OSBPL5: variants seen among roughly 807,000 people sequenced by gnomAD.
OSBPL5 encodes oxysterol-binding protein-related protein 5.
OSBPL5 carries 71 observed loss-of-function variants against 111.2 expected under a neutral mutation model. The ratio of observed to expected loss-of-function variants is 0.64; its 90% CI spans 0.53 to 0.78. The LOEUF (loss-of-function observed/expected upper bound fraction) is 0.78, where lower values mean the gene tolerates loss of function less well. OSBPL5 is among the 30% of genes least tolerant of loss of function. OSBPL5 has a pLI of 0.00. For synonymous variants in OSBPL5, 549 were observed against 513.9 expected, an observed-to-expected ratio of 1.07 and a Z score of -0.93; for missense variants, 1,210 against 1,189.3, an observed-to-expected ratio of 1.02 and a Z score of -0.26.
rs1186867506 is a variant in OSBPL5 at position 3,147,084 on chromosome 11, C to T, written c.-21-17915G>A. On this transcript the variant is annotated intron_variant, in intron 1 of 21. Coordinates refer to ENST00000263650, the MANE Select transcript of OSBPL5 (RefSeq NM_020896.4). ...AGTCACCCTCACGTCCTGGGCTTCA[C>T]TTTTCCCCAAGGCAGAACCACAGCC... 5.6e-5 allele frequency among the ~76,000 whole-genome samples: 8 copies of T among 142,918 alleles called. No homozygotes were observed. In the South Asian group the frequency reaches 1.4e-3, roughly 26 times the overall value. 93.8% of individuals were successfully genotyped at this position (142,918 alleles called of 152,430 possible). A position where few individuals can be genotyped will look rare whatever the true frequency, so the allele number is the denominator to read the frequency against.
chr11:3,142,284 A>G lies in OSBPL5; in HGVS notation c.-21-13115T>C, dbSNP rs1401094535. 6.6e-6 allele frequency among the ~76,000 whole-genome samples: 1 copy of G among 152,240 alleles called. No individual in the cohort carries two copies. Among genetic ancestry groups the G allele is most frequent in the Non-Finnish European group, 1.5e-5 (1 of 68,042 alleles). ...CCAGGGCCACACGGCAGGTTGGTGC[A>G]GGAGGTGCTGGGCCCTGGTGCCACC... is the stretch of plus-strand genomic sequence containing the variant. On this transcript the variant is annotated intron_variant, in intron 1 of 21. Coordinates refer to ENST00000263650, the MANE Select transcript of OSBPL5 (RefSeq NM_020896.4). This position sits in a 1 kb window ranked among gnomAD's most constrained non-coding sequence, Gnocchi z 7.1.
chr11:3,110,226 C>T lies in OSBPL5; in HGVS notation c.692-2281G>A, dbSNP rs983523541. ...CTGCACCACCGGCGGGATGGGAGCC[C>T]TTCACCCCACTGCTCTGGGAGGCAT... On this transcript the variant is annotated intron_variant, in intron 7 of 21. Transcript: ENST00000263650. The surrounding 1 kb of genome is among the most constrained non-coding windows in gnomAD (Gnocchi z 5.3). Among the ~76,000 whole-genome samples the T allele has an allele frequency of 6.6e-6, 1 of 152,208 alleles. No homozygotes were observed. The highest frequency in any genetic ancestry group is 1.5e-5 in the Non-Finnish European group (1 of 68,018).
intron 1 of OSBPL5, among the ~76,000 whole-genome samples, chr11:3,136,190 A>AGGCCCAATGGGGGCCCC (rs1845944235): frequency 6.6e-6 from 1 of 152,144 alleles, no homozygotes; most frequent in South Asian, 2.1e-4. Flanking sequence ...CATGGGGCCC[A>AGGCCCAATGGGGGCCCC]GGCCCAATGG....
chr11:3,089,643 C>T (rs1856989121), intron 21 of OSBPL5, among the ~76,000 whole-genome samples: 1 of 152,190 alleles, frequency 6.6e-6, no homozygotes, highest in Non-Finnish European at 1.5e-5. Flanking sequence ...GGTTGATCAT[C>T]CCGCACCACC....
chr11:3,131,310 C>T (rs979863575), intron 1 of OSBPL5, among the ~76,000 whole-genome samples: 1 of 152,134 alleles, frequency 6.6e-6, no homozygotes, highest in African/African-American at 2.4e-5. Flanking sequence ...TCCCTTGTAT[C>T]CCTCCATCTA....
At chr11:3,096,955 AGGAGGAGAAGAGGAAAGAGGGG>A (rs1393431433) in intron 14 of OSBPL5, among the ~76,000 whole-genome samples, 27 of 124,014 alleles carry the variant, frequency 2.2e-4, no homozygotes, top group East Asian at 2.8e-4. Context: ...AGGAGATGGG[AGGAGGAGAAGAGGAAAGAGGGG>A]GAAGGTGGGA....
At chr11:3,120,682 T>A (rs1317718839) in intron 5 of OSBPL5, 58 bp from the exon 6 acceptor site, 8 of 1,582,528 alleles carry the variant, frequency 5.1e-6, no homozygotes, top group Non-Finnish European at 6.9e-6. Flanking sequence ...CCCTGGGGCA[T>A]CTTGATGGCT....
intron 1 of OSBPL5, 187 bp from the exon 2 acceptor site, chr11:3,129,356 G>A: frequency 2.2e-6 from 1 of 450,188 alleles, no homozygotes; most frequent in Middle Eastern, 6.0e-4. Context: ...TCAGGCGAAT[G>A]GCTTTGGCTG....
chr11:3,111,790 A>G (rs988954408), intron 7 of OSBPL5, among the ~76,000 whole-genome samples: 5 of 152,252 alleles, frequency 3.3e-5, no homozygotes, highest in African/African-American at 1.2e-4. Context: ...TCATATAACA[A>G]GGCCACATTT....
chr11:3,149,056 G>A (rs1846472347), intron 1 of OSBPL5, among the ~76,000 whole-genome samples: 1 of 152,112 alleles, frequency 6.6e-6, no homozygotes, highest in Non-Finnish European at 1.5e-5. Flanking sequence ...TCCCCACTGG[G>A]CCCACCACAG....
chr11:3,132,460 G>A (rs542465134), intron 1 of OSBPL5, among the ~76,000 whole-genome samples: 1 of 152,160 alleles, frequency 6.6e-6, no homozygotes, highest in African/African-American at 2.4e-5. Context: ...GTGGGGAGGT[G>A]TTTTGTTCAT....
chr11:3,103,766 C>CCCCTTCCAGCCTATGCAGT (rs1857562497), intron 10 of OSBPL5, among the ~76,000 whole-genome samples: 1 of 82,948 alleles, frequency 1.2e-5, no homozygotes, highest in African/African-American at 3.8e-5. Context: ...GCTCTGCAGC[C>CCCCTTCCAGCCTATGCAGT]CCCTTCCAGC....
rs1006479350 is a variant in OSBPL5 at position 3,110,368 on chromosome 11, C to A, written c.692-2423G>T. 2.6e-5 allele frequency among the ~76,000 whole-genome samples: 4 copies of A among 152,230 alleles called. No individual in the cohort carries two copies. The highest frequency in any genetic ancestry group is 9.6e-5 in the African/African-American group (4 of 41,460). ...GGGAGGAACGGCCAAGAGGGAATCC[C>A]TCCAGGTGGAGGATCATCGCAGTCA... On this transcript the variant is annotated intron_variant, in intron 7 of 21. Coordinates refer to ENST00000263650, the MANE Select transcript of OSBPL5 (RefSeq NM_020896.4). This position sits in a 1 kb window ranked among gnomAD's most constrained non-coding sequence, Gnocchi z 5.3.
rs1462679677 is a variant in OSBPL5, at chr11:3,140,108, T to A, written c.-21-10939A>T. Among the ~76,000 whole-genome samples, 1 of 152,140 alleles carries A rather than the reference T, an allele frequency of 6.6e-6. No homozygotes were observed. Among genetic ancestry groups the A allele is most frequent in the East Asian group, 1.9e-4 (1 of 5,184 alleles). On this transcript the variant is annotated intron_variant, in intron 1 of 21. Coordinates refer to ENST00000263650, the MANE Select transcript of OSBPL5 (RefSeq NM_020896.4). The surrounding 1 kb of genome is among the most constrained non-coding windows in gnomAD (Gnocchi z 4.5). ...CCAAGCAGCACCTCTGCCAAGGAGC[T>A]CCCTCTGCAGAGGAGAACCCGGCCA...
chr11:3,092,965 C>A lies in OSBPL5; in HGVS notation c.2034G>T (p.Arg678=). The A allele has an allele frequency of 1.9e-6, 3 of 1,597,692 alleles. No individual in the cohort carries two copies. Among genetic ancestry groups the A allele is most frequent in the South Asian group, 1.1e-5 (1 of 87,736 alleles). Reference sequence around the variant, plus strand: ...TCTCCTGCCGCTCACGGGCCCGCTGCCGCTGTGCCTCCTCCAGTGCAAACT... The same window carrying A: ...TCTCCTGCCGCTCACGGGCCCGCTGACGCTGTGCCTCCTCCAGTGCAAACT... The part of the protein sequence containing the change: ...QEKFALEEAQ[R]QRARERQESL... Residue 678 remains arginine (R), a synonymous_variant, in exon 18 of 22, where the codon CGG becomes CGT. Transcript: ENST00000263650. This position sits in a 1 kb window ranked among gnomAD's most constrained non-coding sequence, Gnocchi z 5.4.
At position 3,107,827 on chromosome 11, in the gene OSBPL5, T is replaced by C. The variant is rs779633125; in HGVS notation, c.810A>G (p.Ser270=). Residue 270 remains serine (S), a synonymous_variant, in exon 8 of 22, where the codon TCA becomes TCG. Transcript: ENST00000263650. This position sits in a 1 kb window ranked among gnomAD's most constrained non-coding sequence, Gnocchi z 6.1. ...CTGAGGCTGGCAGCCCACAGAGCGA[T>C]GAGGGTGATGCGTCTGGCGAGGTCC... ...EPGTSPDASP[S]SLCGLPASAT... The C allele has an allele frequency of 1.1e-5, 17 of 1,612,254 alleles. No homozygotes were observed. The Admixed American group carries it at 1.5e-4, about 14-fold the overall frequency.
At chr11:3,139,485 G>A (rs540614242) in intron 1 of OSBPL5, among the ~76,000 whole-genome samples, 2 of 152,326 alleles carry the variant, frequency 1.3e-5, no homozygotes, top group South Asian at 2.1e-4. Context: ...CCCATTCTGG[G>A]AAAGGCAGGG....
Position 3,122,243 on chromosome 11 carries a change from C to A in OSBPL5, c.300+105G>T, listed in dbSNP as rs57778091. On this transcript the variant is annotated intron_variant, in intron 4 of 21. Transcript: ENST00000263650. Reference sequence around the variant, plus strand: ...TAGGGGGTGTGGAGGCGACCAGGTGCGGTTTGTCCCCTCCTTTTGACAGGT... The same window carrying A: ...TAGGGGGTGTGGAGGCGACCAGGTGAGGTTTGTCCCCTCCTTTTGACAGGT... 36 of 1,364,034 alleles carry A rather than the reference C, an allele frequency of 2.6e-5. No individual in the cohort carries two copies. The Admixed American group carries it at 5.2e-4, about 20-fold the overall frequency. The allele number at this position is 1,364,034 out of a possible 1,614,324, so 84.5% of individuals were successfully genotyped here. A position where few individuals can be genotyped will look rare whatever the true frequency, so the allele number is the denominator to read the frequency against.
chr11:3,142,755 G>A lies in OSBPL5; in HGVS notation c.-21-13586C>T, dbSNP rs762820151. The stretch of plus-strand genomic sequence containing the variant: ...CAGGAAGTCGTGTGCAGGGGTGGAG[G>A]CTGGAAGACCAGCAGGTCTCCCTTC... On this transcript the variant is annotated intron_variant, in intron 1 of 21. Transcript: ENST00000263650. This position sits in a 1 kb window ranked among gnomAD's most constrained non-coding sequence, Gnocchi z 7.1. 1.3e-5 allele frequency among the ~76,000 whole-genome samples: 2 copies of A among 152,062 alleles called. No individual in the cohort carries two copies. Among genetic ancestry groups the A allele is most frequent in the Non-Finnish European group, 2.9e-5 (2 of 68,016 alleles).
Sources: allele counts gnomAD v4.1 joint callset (sites outside exome capture counted in the v4.1 genomes callset), GRCh38; gene constraint gnomAD v4.1.1; non-coding constraint Gnocchi (gnomAD v3.1); transcripts MANE v1.5; gene names NCBI Gene and HGNC (gene_info 2026-07-23, HGNC 2026-07-21).